SYTL5: variants seen among roughly 807,000 people sequenced by gnomAD.
SYTL5 encodes the protein synaptotagmin like 5, also known as synaptotagmin-like protein 5.
SYTL5 carries 34 observed loss-of-function variants against 55.9 expected under a neutral mutation model. The ratio of observed to expected loss-of-function variants is 0.61; its 90% confidence interval spans 0.46 to 0.81. SYTL5 has a LOEUF of 0.81. Ranked by LOEUF, SYTL5 falls within the 30% of genes least tolerant of loss-of-function variation. The probability of loss-of-function intolerance (pLI) is 0.00; values close to 1 mark genes in which losing one functional copy is unlikely to be tolerated. For missense variants in SYTL5, 637 were observed against 546.7 expected, an observed-to-expected ratio of 1.17 and a Z score of -1.65; for synonymous variants, 221 against 188.7, an observed-to-expected ratio of 1.17 and a Z score of -1.40.
intron 2 of SYTL5, among the ~76,000 whole-genome samples, chrX:38,035,945 G>A (rs979329181): frequency 7.2e-5 from 8 of 111,468 alleles, no homozygotes; most frequent in African/African-American, 2.3e-4. Flanking sequence ...GATGCCCAGA[G>A]ACAATGAAGT....
chrX:37,991,039 G>A, the SYTL5 span: 107 of 1,209,787 alleles, frequency 8.8e-5, no homozygotes, highest in Admixed American at 1.5e-4. Flanking sequence ...ATCATGGAGC[G>A]GGTAGGCTTG....
intron 1 of SYTL5, among the ~76,000 whole-genome samples, chrX:38,012,220 C>G (rs890386132): frequency 8.9e-6 from 1 of 112,025 alleles, no homozygotes; most frequent in Non-Finnish European, 1.9e-5. Context: ...TAGACTTCAG[C>G]GGCATTTTTG....
chrX:38,057,273 G>T (rs765425639), intron 3 of SYTL5, among the ~76,000 whole-genome samples: 9 of 111,652 alleles, frequency 8.1e-5, no homozygotes, highest in African/African-American at 2.6e-4. Flanking sequence ...TGGCACCTTT[G>T]TGGAAAATGA....
intron 2 of SYTL5, 103 bp downstream of exon 2, chrX:38,034,111 G>A (rs1602324865): frequency 2.5e-6 from 1 of 401,022 alleles, no homozygotes; most frequent in East Asian, 4.0e-5. Context: ...GGGGACAGAT[G>A]TCAGTTAGGA....
chrX:37,895,102 T>C, the SYTL5 span, among the ~76,000 whole-genome samples: 1 of 112,050 alleles, frequency 8.9e-6, no homozygotes, highest in Admixed American at 9.5e-5. Context: ...TTTGACTCTG[T>C]TTCTCTGGAG....
chrX:37,946,291 T>C, the SYTL5 span: 1 of 121,295 alleles, frequency 8.2e-6, no homozygotes, highest in Non-Finnish European at 1.7e-5. Flanking sequence ...AAATGGTATA[T>C]GCTTTTGGTA....
the SYTL5 span, among the ~76,000 whole-genome samples, chrX:38,000,780 G>A: frequency 8.0e-5 from 9 of 111,893 alleles, no homozygotes; most frequent in African/African-American, 2.9e-4. Context: ...AGCAGATAGC[G>A]AAGCCAGAAG....
chrX:38,047,703 A>G, intron 2 of SYTL5, among the ~76,000 whole-genome samples: 1 of 112,470 alleles, frequency 8.9e-6, no homozygotes, highest in Non-Finnish European at 1.9e-5. Flanking sequence ...TTTCTTTTCT[A>G]TCGCATCGTC....
upstream of SYTL5, among the ~76,000 whole-genome samples, chrX:38,004,861 T>C (rs1276728979): frequency 9.0e-6 from 1 of 110,627 alleles, no homozygotes; most frequent in Non-Finnish European, 1.9e-5. Context: ...TATTTCTTAG[T>C]ACAACAGGGT....
Position 38,126,840 on chromosome X carries a change from A to G in SYTL5, c.*110A>G. On this transcript the variant is annotated 3_prime_UTR_variant, in exon 17 of 17. Coordinates refer to ENST00000297875, the MANE Select transcript of SYTL5 (RefSeq NM_138780.3). ...GCTTCCCTGCCATTTCTCACCTGAC[A>G]GTGTTGGGACATGAGGGGAGAGATG... The G allele has an allele frequency of 1.2e-6, 1 of 835,764 alleles. No individual in the cohort carries two copies. Among genetic ancestry groups the G allele is most frequent in the Non-Finnish European group, 1.7e-6 (1 of 599,166 alleles). The allele number at this position is 835,764 out of a possible 1,213,427, so 68.9% of individuals were successfully genotyped here. A position where few individuals can be genotyped will look rare whatever the true frequency, so the allele number is the denominator to read the frequency against.
intron 12 of SYTL5, 47 bp from the exon 13 acceptor site, chrX:38,110,274 G>T: frequency 1.9e-6 from 2 of 1,072,105 alleles, no homozygotes. Context: ...CCTGGAATTG[G>T]ATAGAGCCCT....
the SYTL5 span, chrX:37,994,383 C>T: frequency 8.8e-6 from 1 of 113,331 alleles, no homozygotes; most frequent in African/African-American, 3.2e-5. Flanking sequence ...TAGGAGACAA[C>T]GCCTTTCCCA....
At chrX:37,956,731 A>G in the SYTL5 span, among the ~76,000 whole-genome samples, 1 of 112,154 alleles carries the variant, frequency 8.9e-6, no homozygotes, top group South Asian at 3.7e-4. Flanking sequence ...GCTATTGTGA[A>G]TAATGCTGCT....
chrX:38,122,304 C>A, intron 15 of SYTL5, 89 bp downstream of exon 15: 1 of 853,507 alleles, frequency 1.2e-6, no homozygotes, highest in Non-Finnish European at 1.6e-6. Context: ...GTGAGCCTTC[C>A]GTGTTCTGTT....
intron 1 of SYTL5, among the ~76,000 whole-genome samples, chrX:38,010,622 C>A (rs1447611927): frequency 9.0e-6 from 1 of 111,566 alleles, no homozygotes; most frequent in African/African-American, 3.3e-5. Flanking sequence ...AAATAAATGT[C>A]CAAATGTTGA....
chrX:37,998,248 A>G, the SYTL5 span, among the ~76,000 whole-genome samples: 5 of 112,636 alleles, frequency 4.4e-5, no homozygotes, highest in Non-Finnish European at 5.6e-5. Flanking sequence ...GGGCTAAAAG[A>G]GCTTTAACAC....
At position 38,033,700 on chromosome X, in the gene SYTL5, A is replaced by G; in HGVS notation, c.-190A>G. The G allele has an allele frequency of 3.6e-6, 1 of 274,535 alleles. No individual in the cohort carries two copies. Among genetic ancestry groups the G allele is most frequent in the Non-Finnish European group, 6.5e-6 (1 of 154,318 alleles). 22.6% of individuals were successfully genotyped at this position (274,535 alleles called of 1,213,427 possible). ...CTTTCTTGGAGTGTAATCCCAGTGG[A>G]GGCTGTTCTACGTATAGCCTGAAAG... On this transcript the variant is annotated 5_prime_UTR_variant, in exon 2 of 17. Transcript: ENST00000297875.
At chrX:38,051,175 T>C (rs1342323903) in intron 2 of SYTL5, among the ~76,000 whole-genome samples, 1 of 111,803 alleles carries the variant, frequency 8.9e-6, no homozygotes, top group African/African-American at 3.3e-5. Context: ...TGCTGAATCC[T>C]ATCTCCTATC....
chrX:37,995,486 C>T, the SYTL5 span, among the ~76,000 whole-genome samples: 1 of 111,799 alleles, frequency 8.9e-6, no homozygotes, highest in Admixed American at 9.4e-5. Flanking sequence ...GTGAAGATGC[C>T]CACCCCACCA....
Sources: allele counts gnomAD v4.1 joint callset (sites outside exome capture counted in the v4.1 genomes callset), GRCh38; gene constraint gnomAD v4.1.1; transcripts MANE v1.5; gene names NCBI Gene and HGNC (gene_info 2026-07-23, HGNC 2026-07-21).